GPM6A: variants seen among roughly 807,000 people sequenced by gnomAD.
GPM6A encodes glycoprotein M6A.
GPM6A carries 7 observed loss-of-function variants against 32.1 expected under a neutral mutation model. That is an observed-to-expected ratio of 0.22 (90% CI 0.12 to 0.41). GPM6A has a LOEUF of 0.41. GPM6A is among the 10% of genes least tolerant of loss of function. The pLI is 1.00. For synonymous variants in GPM6A, 130 were observed against 123.4 expected (o/e 1.05, Z -0.35); for missense variants, 235 against 347.2 (o/e 0.68, Z 2.57).
chr4:175,727,342 A>G (rs989304768), intron 1 of GPM6A, among the ~76,000 whole-genome samples: 16 of 152,182 alleles, frequency 1.1e-4, no homozygotes, highest in Non-Finnish European at 2.2e-4. Context: ...GTACAGTGTA[A>G]AAGTTGAAGA....
rs958367691 is a variant in GPM6A at position 175,900,999 on chromosome 4, T to C, written c.-22-88750A>G. Among the ~76,000 whole-genome samples, 6 of 152,266 alleles carry C rather than the reference T, an allele frequency of 3.9e-5. No individual in the cohort carries two copies. The East Asian group carries it at 1.2e-3, about 29-fold the overall frequency. On this transcript the variant is annotated intron_variant, in intron 1 of 7. Transcript: ENST00000280187. ...GCATGGATAGAGCTGGAGATTACTA[T>C]GTTAAGTGAAATAAGCCAGGCACAG...
intron 1 of GPM6A, among the ~76,000 whole-genome samples, chr4:175,801,260 A>G (rs1734460522): frequency 6.6e-6 from 1 of 152,130 alleles, no homozygotes; most frequent in Admixed American, 6.5e-5. Context: ...CACATCATAT[A>G]TTTCTATTTT....
intron 1 of GPM6A, among the ~76,000 whole-genome samples, chr4:175,993,853 G>A (rs764267250): frequency 1.3e-5 from 2 of 152,144 alleles, no homozygotes; most frequent in Non-Finnish European, 2.9e-5. Flanking sequence ...TAAAAGAAAG[G>A]TAGACTTTCA....
chr4:175,828,121 TG>T (rs1159137829), intron 1 of GPM6A, among the ~76,000 whole-genome samples: 14 of 152,328 alleles, frequency 9.2e-5, no homozygotes, highest in African/African-American at 3.4e-4. Context: ...GGTCAGTATA[TG>T]CAATTTGAAA....
At chr4:175,853,973 T>C (rs1183275775) in intron 1 of GPM6A, among the ~76,000 whole-genome samples, 1 of 152,152 alleles carries the variant, frequency 6.6e-6, no homozygotes, top group Non-Finnish European at 1.5e-5. Context: ...CCAGTTGACT[T>C]AAATATCTCA....
chr4:175,953,705 G>C (rs1739893323), intron 1 of GPM6A, among the ~76,000 whole-genome samples: 1 of 152,020 alleles, frequency 6.6e-6, no homozygotes, highest in Non-Finnish European at 1.5e-5. Context: ...ATCGAGACCA[G>C]CCTGACCAAC....
At chr4:175,867,964 G>T (rs962815068) in intron 1 of GPM6A, among the ~76,000 whole-genome samples, 7 of 152,150 alleles carry the variant, frequency 4.6e-5, no homozygotes, top group Non-Finnish European at 1.0e-4. Flanking sequence ...CCCTCTCCCT[G>T]CCAGAAGAGC....
intron 1 of GPM6A, chr4:175,800,755 T>C (rs1449638253): frequency 5.1e-6 from 1 of 195,582 alleles, no homozygotes; most frequent in Non-Finnish European, 1.2e-5. Context: ...GGTATATAAC[T>C]CTTTTTCCCT....
intron 1 of GPM6A, among the ~76,000 whole-genome samples, chr4:175,817,399 T>A (rs930520423): frequency 6.6e-6 from 1 of 152,188 alleles, no homozygotes; most frequent in African/African-American, 2.4e-5. Context: ...GAAGACAAAT[T>A]CCTGCCCTAA....
chr4:175,883,443 T>A (rs1737345771), intron 1 of GPM6A, among the ~76,000 whole-genome samples: 1 of 152,144 alleles, frequency 6.6e-6, no homozygotes, highest in Non-Finnish European at 1.5e-5. Flanking sequence ...GTAGTTCACA[T>A]AACTTTTTCC....
At chr4:175,805,842 C>A (rs1734673548) in intron 1 of GPM6A, 1 of 152,110 alleles carries the variant, frequency 6.6e-6, no homozygotes, top group Admixed American at 6.5e-5. Flanking sequence ...TGAGTCTCAT[C>A]TTTGACCAAA....
At chr4:175,843,242 A>C (rs1735993443) in intron 1 of GPM6A, among the ~76,000 whole-genome samples, 1 of 152,178 alleles carries the variant, frequency 6.6e-6, no homozygotes. Context: ...ATAAACACTA[A>C]TTTCACCTAA....
At chr4:175,654,794 G>C (rs1039212239) in intron 3 of GPM6A, among the ~76,000 whole-genome samples, 2 of 151,438 alleles carry the variant, frequency 1.3e-5, no homozygotes, top group African/African-American at 4.9e-5. Context: ...CAAGGCTAAT[G>C]TATAGTCTCT....
chr4:175,950,446 A>AT (rs1739769712), intron 1 of GPM6A, among the ~76,000 whole-genome samples: 1 of 152,220 alleles, frequency 6.6e-6, no homozygotes, highest in South Asian at 2.1e-4. Context: ...TAAGAATATA[A>AT]TACTTGTGAA....
intron 6 of GPM6A, among the ~76,000 whole-genome samples, chr4:175,636,140 T>C (rs923838608): frequency 6.6e-6 from 1 of 151,328 alleles, no homozygotes; most frequent in Non-Finnish European, 1.5e-5. Context: ...TTTTTAGAAT[T>C]TTCTGTTTCC....
chr4:175,662,528 A>G (rs1270889340), intron 3 of GPM6A, among the ~76,000 whole-genome samples: 1 of 152,106 alleles, frequency 6.6e-6, no homozygotes, highest in African/African-American at 2.4e-5. Context: ...TGAACCTGGG[A>G]GGCGGAGATT....
chr4:175,748,202 T>C (rs1732183829), intron 1 of GPM6A, among the ~76,000 whole-genome samples: 1 of 152,166 alleles, frequency 6.6e-6, no homozygotes. Context: ...CCTGTTAATG[T>C]CGATGTTTTG....
intron 1 of GPM6A, among the ~76,000 whole-genome samples, chr4:175,703,880 A>T (rs1440232435): frequency 6.6e-6 from 1 of 152,070 alleles, no homozygotes; most frequent in Non-Finnish European, 1.5e-5. Context: ...ACATATCCTC[A>T]TTCCAAAGAT....
chr4:175,658,299 GAA>G (rs200786856), intron 3 of GPM6A, among the ~76,000 whole-genome samples: 44 of 137,400 alleles, frequency 3.2e-4, no homozygotes, highest in African/African-American at 9.0e-4. Context: ...GCATATGACT[GAA>G]AAAAAAAAAA....
Sources: allele counts gnomAD v4.1 joint callset (sites outside exome capture counted in the v4.1 genomes callset), GRCh38; gene constraint gnomAD v4.1.1; transcripts MANE v1.5; gene names NCBI Gene and HGNC (gene_info 2026-07-23, HGNC 2026-07-21).